PARD3: variants seen among roughly 807,000 people sequenced by gnomAD.
The protein encoded by PARD3 is partitioning defective 3 homolog.
Under a neutral mutation model 155.4 loss-of-function variants are expected in PARD3, and 75 were observed. That is an observed-to-expected ratio of 0.48 (90% confidence interval 0.40 to 0.58). The LOEUF (loss-of-function observed/expected upper bound fraction) is 0.58. Among genes scored for constraint, PARD3 ranks in the 20% least tolerant of loss-of-function variants. PARD3 has a pLI of 0.00. For synonymous variants in PARD3, 576 were observed against 610.5 expected (o/e 0.94, Z 0.83); for missense variants, 1,642 against 1,721.7 (o/e 0.95, Z 0.82).
chr10:34,264,347 A>G (rs1265175182), intron 22 of PARD3, among the ~76,000 whole-genome samples: 2 of 152,332 alleles, frequency 1.3e-5, no homozygotes, highest in South Asian at 2.1e-4. Context: ...GTTATTTTCA[A>G]CTTACAATGA....
chr10:34,802,786 A>G (rs760732946), intron 1 of PARD3, among the ~76,000 whole-genome samples: 2 of 152,154 alleles, frequency 1.3e-5, no homozygotes, highest in Non-Finnish European at 2.9e-5. Flanking sequence ...AGCCTATTCT[A>G]GTGAGACTTA....
chr10:34,264,908 C>T (rs1409921009), intron 22 of PARD3, among the ~76,000 whole-genome samples: 1 of 152,058 alleles, frequency 6.6e-6, no homozygotes, highest in Non-Finnish European at 1.5e-5. Context: ...TGTCACCACG[C>T]CTGGCTAATT....
intron 2 of PARD3, among the ~76,000 whole-genome samples, chr10:34,685,772 T>G (rs760142129): frequency 1.3e-5 from 2 of 152,112 alleles, no homozygotes; most frequent in Non-Finnish European, 2.9e-5. Flanking sequence ...TTTTGTATTT[T>G]TAGTAGAAGC....
At chr10:34,288,465 A>G (rs576039306) in intron 20 of PARD3, among the ~76,000 whole-genome samples, 34 of 152,300 alleles carry the variant, frequency 2.2e-4, no homozygotes, top group African/African-American at 7.9e-4. Flanking sequence ...TAAAATGTAA[A>G]AAAGAAAAAA....
intron 1 of PARD3, among the ~76,000 whole-genome samples, chr10:34,722,662 G>A (rs773088628): frequency 2.0e-5 from 3 of 152,140 alleles, no homozygotes; most frequent in Non-Finnish European, 4.4e-5. Flanking sequence ...CCTATGCTCC[G>A]AAAGCTGTTG....
intron 12 of PARD3, among the ~76,000 whole-genome samples, chr10:34,362,771 G>C (rs552623660): frequency 1.3e-5 from 2 of 152,332 alleles, no homozygotes; most frequent in African/African-American, 4.8e-5. Context: ...TTGGGCTTAC[G>C]TGCCCAGCCC....
chr10:34,517,888 T>A (rs2081889523), intron 2 of PARD3, among the ~76,000 whole-genome samples: 2 of 152,138 alleles, frequency 1.3e-5, no homozygotes, highest in Non-Finnish European at 2.9e-5. Flanking sequence ...GTTTGTTTTG[T>A]TTTGTTTTGA....
intron 22 of PARD3, among the ~76,000 whole-genome samples, chr10:34,234,972 A>C: frequency 6.6e-6 from 1 of 152,230 alleles, no homozygotes; most frequent in East Asian, 1.9e-4. Context: ...TCCATGGCGG[A>C]TTCTTTAGAA....
At chr10:34,664,670 G>A (rs2133181669) in intron 2 of PARD3, among the ~76,000 whole-genome samples, 1 of 152,186 alleles carries the variant, frequency 6.6e-6, no homozygotes, top group East Asian at 1.9e-4. Flanking sequence ...ATTTTTAGTA[G>A]AGACAGGGTT....
At chr10:34,640,687 C>T (rs911936884) in intron 2 of PARD3, among the ~76,000 whole-genome samples, 2 of 88,212 alleles carry the variant, frequency 2.3e-5, no homozygotes, top group African/African-American at 4.2e-5. Context: ...CCAGCTTGGA[C>T]AACAGAGTGA....
chr10:34,369,150 T>C (rs967284111), intron 12 of PARD3, among the ~76,000 whole-genome samples: 2 of 152,168 alleles, frequency 1.3e-5, no homozygotes, highest in African/African-American at 4.8e-5. Flanking sequence ...TAATTCTTTG[T>C]TCCTCCCCTT....
intron 1 of PARD3, among the ~76,000 whole-genome samples, chr10:34,743,448 G>C (rs572364099): frequency 6.6e-6 from 1 of 152,238 alleles, no homozygotes; most frequent in South Asian, 2.1e-4. Context: ...TATCCTAATA[G>C]GACTCCAACA....
intron 5 of PARD3, among the ~76,000 whole-genome samples, chr10:34,423,781 G>A (rs1397436095): frequency 6.6e-6 from 1 of 152,122 alleles, no homozygotes; most frequent in Non-Finnish European, 1.5e-5. Context: ...AGAGTTTCAA[G>A]TAGTTACGTC....
chr10:34,747,540 C>T (rs1205983843), intron 1 of PARD3, among the ~76,000 whole-genome samples: 1 of 152,240 alleles, frequency 6.6e-6, no homozygotes, highest in African/African-American at 2.4e-5. Context: ...CTTATCTCAA[C>T]TAAAAATGAA....
intron 22 of PARD3, among the ~76,000 whole-genome samples, chr10:34,208,734 C>G (rs530597824): frequency 1.1e-3 from 170 of 152,264 alleles, no homozygotes; most frequent in African/African-American, 3.6e-3. Context: ...TTGTGAACCT[C>G]AAGGAGCCGA....
intron 1 of PARD3, among the ~76,000 whole-genome samples, chr10:34,772,513 C>T (rs1025528947): frequency 8.1e-5 from 12 of 149,054 alleles, no homozygotes; most frequent in African/African-American, 2.2e-4. Flanking sequence ...GAATACACGC[C>T]GGGCATGGTG....
At chr10:34,482,748 A>T (rs894645512) in intron 3 of PARD3, among the ~76,000 whole-genome samples, 27 of 152,162 alleles carry the variant, frequency 1.8e-4, no homozygotes, top group African/African-American at 6.0e-4. Flanking sequence ...AGCTGAGACC[A>T]GGGGAATATA....
intron 5 of PARD3, among the ~76,000 whole-genome samples, chr10:34,433,007 T>C (rs2132560985): frequency 6.6e-6 from 1 of 152,296 alleles, no homozygotes. Context: ...ATTTCAGCCA[T>C]TTACTAACAG....
At chr10:34,476,896 GA>G (rs146857666) in intron 3 of PARD3, among the ~76,000 whole-genome samples, 127 of 152,218 alleles carry the variant, frequency 8.3e-4, no homozygotes, top group African/African-American at 2.9e-3. Flanking sequence ...TTATTTTAAG[GA>G]AAGACATTCA....
Sources: gnomAD v4.1 joint callset for allele counts (sites outside exome capture counted in the v4.1 genomes callset) on GRCh38, gnomAD v4.1.1 for gene constraint, MANE v1.5 for transcripts, NCBI Gene and HGNC (gene_info 2026-07-23, HGNC 2026-07-21) for gene names.